Variants in RSF1 observed in about 807,000 individuals in gnomAD.
RSF1 encodes remodeling and spacing factor 1.
A neutral mutation model predicts 145.2 loss-of-function variants in RSF1; 13 were observed. That is an observed-to-expected ratio of 0.09 (90% CI 0.06 to 0.14). The LOEUF is 0.14. RSF1 is among the 10% of genes least tolerant of loss of function. The probability of loss-of-function intolerance (pLI) is 1.00; values close to 1 mark genes in which losing one functional copy is unlikely to be tolerated. For synonymous variants in RSF1, 577 were observed against 592.6 expected (o/e 0.97, Z 0.38); for missense variants, 1,517 against 1,718.2 (o/e 0.88, Z 2.07).
chr11:77,848,916 A>C, the RSF1 span, among the ~76,000 whole-genome samples: 2 of 152,072 alleles, frequency 1.3e-5, no homozygotes, highest in Non-Finnish European at 2.9e-5. Context: ...TTATCATCCC[A>C]ACTAGCTAGA....
intron 9 of RSF1, among the ~76,000 whole-genome samples, chr11:77,686,408 C>CAAAAAAAAAAAAAAGAAAAA (rs1960006654): frequency 2.7e-5 from 1 of 37,132 alleles, no homozygotes; most frequent in Non-Finnish European, 4.7e-5. Context: ...GACCCTGTCT[C>CAAAAAAAAAAAAAAGAAAAA]AAAAAAAAAA....
In RSF1 at chr11:77,698,501, T is replaced by C; in HGVS notation, c.2701A>G (p.Asn901Asp). 1 of 1,614,130 alleles carries C rather than the reference T, an allele frequency of 6.2e-7. No individual in the cohort carries two copies. Among genetic ancestry groups the C allele is most frequent in the East Asian group, 2.2e-5 (1 of 44,870 alleles). Residue 901 changes from asparagine to aspartate, a missense_variant, in exon 7 of 16, where the codon AAC becomes GAC. Physicochemically the swap from Asn to Asp is conservative, Grantham distance 23 (BLOSUM62 1). Around this residue, in one of 12 missense-constraint regions of RSF1, gnomAD observed 24 missense variants for 32.1 expected, o/e 0.75. Transcript: ENST00000308488. ...DEPCKKCGLP[N>D]HPELILLCDS... The stretch of plus-strand genomic sequence containing the variant: ...CAGGTACATACTAGCTCAGGATGGT[T>C]TGGAAGGCCACATTTTTTGCATGGT...
chr11:77,667,084 G>C lies in RSF1; in HGVS notation c.4159C>G (p.Pro1387Ala). ...TTGGGGGTCTGAGACTTCTCAGTAG[G>C]CTTGCCAATCAAGTTCTCAATGGCT... ...GKAIENLIGK[P>A]TEKSQTPKDN... is the part of the protein sequence containing the mutation. Residue 1387 changes from proline (P) to alanine (A), a missense_variant, in exon 16 of 16, where the codon CCT becomes GCT. Pro to Ala is a conservative substitution (Grantham distance 27). This residue lies in a region of RSF1 where 240 missense variants were observed against 231.8 expected (regional missense o/e 1.04). Transcript: ENST00000308488. The C allele has an allele frequency of 6.2e-7, 1 of 1,614,158 alleles. No individual in the cohort carries two copies. Among genetic ancestry groups the C allele is most frequent in the Non-Finnish European group, 8.5e-7 (1 of 1,180,036 alleles).
intron 2 of RSF1, among the ~76,000 whole-genome samples, chr11:77,752,539 C>A (rs564397367): frequency 6.6e-6 from 1 of 152,248 alleles, no homozygotes; most frequent in African/African-American, 2.4e-5. Flanking sequence ...CATGGAATGG[C>A]AATCCATTTT....
chr11:77,841,199 C>T, the RSF1 span: 1 of 702,218 alleles, frequency 1.4e-6, no homozygotes, highest in Non-Finnish European at 2.6e-6. Context: ...AGGGTGGAAC[C>T]CTCATGGCCT....
the RSF1 span, among the ~76,000 whole-genome samples, chr11:77,870,700 A>C: frequency 3.3e-5 from 5 of 152,180 alleles, no homozygotes; most frequent in African/African-American, 9.7e-5. Flanking sequence ...AATTCAATGC[A>C]GAAATGTAGA....
At chr11:77,743,012 T>A (rs1425595735) in intron 3 of RSF1, among the ~76,000 whole-genome samples, 1 of 152,218 alleles carries the variant, frequency 6.6e-6, no homozygotes, top group Admixed American at 6.5e-5. Flanking sequence ...CTTTGCACAG[T>A]GTGTAATCCT....
chr11:77,710,686 T>C (rs1442635238), intron 5 of RSF1, among the ~76,000 whole-genome samples: 1 of 152,222 alleles, frequency 6.6e-6, no homozygotes, highest in African/African-American at 2.4e-5. Context: ...TTAGCAGATG[T>C]TGATACTCAA....
chr11:77,810,044 A>G lies in RSF1; in HGVS notation c.187+10484T>C, dbSNP rs1439897219. Among the ~76,000 whole-genome samples, 3 of 152,322 alleles carry G rather than the reference A, an allele frequency of 2.0e-5. No individual in the cohort carries two copies. In the East Asian group the frequency reaches 5.8e-4, roughly 29 times the overall value. On this transcript the variant is annotated intron_variant, in intron 1 of 15. Transcript: ENST00000308488. ...TTTGCTGCAAAATACACTGATGACC[A>G]AGGCATTTAATCCCACTTACTAGTA...
At chr11:77,823,232 A>AT (rs1177087462), upstream of RSF1, among the ~76,000 whole-genome samples, 1 of 146,706 alleles carries the variant, frequency 6.8e-6, no homozygotes, top group Admixed American at 6.9e-5. Flanking sequence ...AAAAAAAAAA[A>AT]AAGAAATTAA....
At chr11:77,817,913 A>T (rs1384771193) in intron 1 of RSF1, among the ~76,000 whole-genome samples, 1 of 152,226 alleles carries the variant, frequency 6.6e-6, no homozygotes, top group African/African-American at 2.4e-5. Flanking sequence ...TTCACCCAAC[A>T]AGCCAACTTT....
upstream of RSF1, among the ~76,000 whole-genome samples, chr11:77,822,287 G>C (rs971433946): frequency 6.6e-6 from 1 of 151,620 alleles, no homozygotes; most frequent in Admixed American, 6.6e-5. Flanking sequence ...TAAAAATAAC[G>C]AAAATTAGCC....
At chr11:77,777,142 TATC>T in intron 1 of RSF1, among the ~76,000 whole-genome samples, 1 of 152,314 alleles carries the variant, frequency 6.6e-6, no homozygotes, top group East Asian at 1.9e-4. Context: ...AAATTCTAGA[TATC>T]ATTATTTCAT....
At chr11:77,832,933 A>G in the RSF1 span, among the ~76,000 whole-genome samples, 1 of 134,172 alleles carries the variant, frequency 7.5e-6, no homozygotes, top group Admixed American at 7.6e-5. Flanking sequence ...TTTATTGTGC[A>G]CTTTATTGTA....
intron 8 of RSF1, chr11:77,691,664 C>T (rs560951706): frequency 6.3e-4 from 97 of 154,612 alleles, no homozygotes; most frequent in Non-Finnish European, 1.2e-3. Context: ...GGTGTGAGTG[C>T]TGTGGTATTT....
chr11:77,863,703 C>T, the RSF1 span, among the ~76,000 whole-genome samples: 10 of 152,020 alleles, frequency 6.6e-5, no homozygotes, highest in South Asian at 4.1e-4. Flanking sequence ...TTTTATGAGA[C>T]GAAGTCTCAC....
chr11:77,734,715 T>C (rs1590857434), intron 4 of RSF1: 1 of 1,440,480 alleles, frequency 6.9e-7, no homozygotes, highest in African/African-American at 1.4e-5. Context: ...CCAAATGTAA[T>C]GCACACTCCA....
At chr11:77,861,969 C>T in the RSF1 span, among the ~76,000 whole-genome samples, 1 of 152,220 alleles carries the variant, frequency 6.6e-6, no homozygotes, top group East Asian at 1.9e-4. Context: ...AGTCAGGTGA[C>T]AGAGAGGTGT....
At chr11:77,697,281 T>C (rs1960298987) in intron 7 of RSF1, among the ~76,000 whole-genome samples, 2 of 151,842 alleles carry the variant, frequency 1.3e-5, no homozygotes, top group Non-Finnish European at 1.5e-5. Flanking sequence ...GTCCACACAA[T>C]TCTACTCAGG....
Sources: allele counts gnomAD v4.1 joint callset (sites outside exome capture counted in the v4.1 genomes callset), GRCh38; gene constraint gnomAD v4.1.1; regional missense constraint gnomAD v4.1.1; transcripts MANE v1.5; gene names NCBI Gene and HGNC (gene_info 2026-07-23, HGNC 2026-07-21).